Variants in SFXN1 observed in about 807,000 individuals in gnomAD.
SFXN1 encodes sideroflexin-1.
SFXN1 carries 32 observed loss-of-function variants against 39.5 expected under a neutral mutation model. That is an observed-to-expected ratio of 0.81 (90% CI 0.61 to 1.09). The LOEUF (loss-of-function observed/expected upper bound fraction) is 1.09. SFXN1 is among the 50% of genes least tolerant of loss of function. The probability of loss-of-function intolerance (pLI) is 0.00; values close to 1 mark genes in which losing one functional copy is unlikely to be tolerated. For synonymous variants in SFXN1, 136 were observed against 146.5 expected (o/e 0.93, Z 0.52); for missense variants, 402 against 407.1 (o/e 0.99, Z 0.11).
At chr5:175,508,613 C>T (rs999964199) in intron 2 of SFXN1, among the ~76,000 whole-genome samples, 3 of 151,560 alleles carry the variant, frequency 2.0e-5, no homozygotes, top group African/African-American at 7.3e-5. Flanking sequence ...TTTGTCACTC[C>T]ATCTAGGCAC....
rs546831563 is a variant in SFXN1, at chr5:175,527,458, A to G, written c.*724A>G. The G allele has an allele frequency of 1.3e-5, 2 of 152,304 alleles. No homozygotes were observed. Among genetic ancestry groups the G allele is most frequent in the South Asian group, 2.1e-4 (1 of 4,832 alleles). 9.4% of individuals were successfully genotyped at this position (152,304 alleles called of 1,614,324 possible). A position where few individuals can be genotyped will look rare whatever the true frequency, so the allele number is the denominator to read the frequency against. On this transcript the variant is annotated 3_prime_UTR_variant, in exon 11 of 11. Transcript: ENST00000321442. ...AAGATGATAATCTTACCTTGCAGTT[A>G]TTGACTTTATATTCAATTATTTACA...
At position 175,522,440 on chromosome 5, in the gene SFXN1, G is replaced by A. The variant is rs183286127; in HGVS notation, c.872+18G>A. 2.4e-5 allele frequency: 38 copies of A among 1,609,364 alleles called. No homozygotes were observed. The highest frequency in any genetic ancestry group is 1.4e-4 in the Admixed American group (8 of 59,038). On this transcript the variant is annotated intron_variant, in intron 10 of 10. Coordinates refer to ENST00000321442, the MANE Select transcript of SFXN1 (RefSeq NM_022754.7). The stretch of plus-strand genomic sequence containing the variant: ...CAGAAAAGGTATGTATTTGTTATTC[G>A]TCAGAATCATCATGAGTATTAATCC...
intron 1 of SFXN1, among the ~76,000 whole-genome samples, chr5:175,480,656 C>T (rs1232995427): frequency 6.6e-6 from 1 of 152,220 alleles, no homozygotes; most frequent in African/African-American, 2.4e-5. Flanking sequence ...CAGAAAGGCA[C>T]CAACTGGCAG....
chr5:175,492,226 C>T lies in SFXN1; in HGVS notation c.123C>T (p.Asn41=), dbSNP rs376235466. The T allele has an allele frequency of 2.2e-5, 36 of 1,613,358 alleles. No homozygotes were observed. In the East Asian group the frequency reaches 5.3e-4, roughly 24 times the overall value. The part of the protein sequence containing the change: ...VTDPRNILLT[N]EQLESARKIV... ...ACCCCAGGAACATTCTGTTAACCAA[C>T]GAACAACTCGAGAGTGCGAGAAAAA... Residue 41 remains asparagine (N), a synonymous_variant, in exon 2 of 11, where the codon AAC becomes AAT. Coordinates refer to ENST00000321442, the MANE Select transcript of SFXN1 (RefSeq NM_022754.7).
At chr5:175,485,593 C>A (rs183780384) in intron 1 of SFXN1, among the ~76,000 whole-genome samples, 1 of 152,324 alleles carries the variant, frequency 6.6e-6, no homozygotes, top group Admixed American at 6.5e-5. Context: ...CAGCAAAGTC[C>A]CTGCACCATG....
chr5:175,501,582 G>A (rs2113306352), intron 2 of SFXN1, among the ~76,000 whole-genome samples: 1 of 152,216 alleles, frequency 6.6e-6, no homozygotes, highest in African/African-American at 2.4e-5. Context: ...AAGATATAAA[G>A]AACTCTTATC....
At chr5:175,501,877 C>G (rs1253563502) in intron 2 of SFXN1, among the ~76,000 whole-genome samples, 1 of 152,134 alleles carries the variant, frequency 6.6e-6, no homozygotes, top group African/African-American at 2.4e-5. Flanking sequence ...ACGGGAATTG[C>G]AATGGAGAAA....
intron 1 of SFXN1, among the ~76,000 whole-genome samples, chr5:175,487,414 C>T (rs1479820791): frequency 1.3e-5 from 2 of 152,142 alleles, no homozygotes; most frequent in East Asian, 1.9e-4. Context: ...TCCACCTCCT[C>T]CCGCTTCACT....
chr5:175,495,740 A>AG (rs1274018261), intron 2 of SFXN1, among the ~76,000 whole-genome samples: 1 of 147,220 alleles, frequency 6.8e-6, no homozygotes. Context: ...AAAAAAAAAA[A>AG]GGGTTAAAAT....
rs376993877 is a variant in SFXN1 at position 175,484,709 on chromosome 5, C to T, written c.-10+6070C>T. 7.6e-4 allele frequency among the ~76,000 whole-genome samples: 116 copies of T among 152,336 alleles called. 4 individuals carry two copies. In the South Asian group the frequency reaches 0.02, roughly 26 times the overall value. On this transcript the variant is annotated intron_variant, in intron 1 of 10. Coordinates refer to ENST00000321442, the MANE Select transcript of SFXN1 (RefSeq NM_022754.7). The stretch of plus-strand genomic sequence containing the variant: ...CAGGCCCCGTGCGTAAGGAGCGCTC[C>T]GTGTCAGCGCGCTTGCTAGACCCCA...
chr5:175,516,805 C>A, intron 8 of SFXN1, 142 bp downstream of exon 8: 1 of 760,222 alleles, frequency 1.3e-6, no homozygotes, highest in Non-Finnish European at 2.0e-6. Context: ...AAGATGTTCC[C>A]AGGAAGATTT....
chr5:175,519,058 A>G (rs1368293284), intron 8 of SFXN1, among the ~76,000 whole-genome samples: 1 of 152,232 alleles, frequency 6.6e-6, no homozygotes, highest in Admixed American at 6.5e-5. Flanking sequence ...AAAAGGTTTG[A>G]ACAGACACTC....
At chr5:175,485,854 G>C (rs558635400) in intron 1 of SFXN1, among the ~76,000 whole-genome samples, 1 of 152,192 alleles carries the variant, frequency 6.6e-6, no homozygotes, top group Non-Finnish European at 1.5e-5. Context: ...AGATGGGGTG[G>C]CTTTGAATGA....
At chr5:175,509,297 T>G in intron 3 of SFXN1, 95 bp downstream of exon 3, 1 of 1,268,068 alleles carries the variant, frequency 7.9e-7, no homozygotes, top group Admixed American at 2.4e-5. Flanking sequence ...TAAGTATTAT[T>G]TCATAAGTAT....
intron 1 of SFXN1, among the ~76,000 whole-genome samples, chr5:175,479,319 G>A (rs909220820): frequency 1.3e-5 from 2 of 152,096 alleles, no homozygotes; most frequent in African/African-American, 2.4e-5. Flanking sequence ...ACACTCTTCC[G>A]GCCCTGCGAG....
At chr5:175,481,499 A>G (rs1298905759) in intron 1 of SFXN1, among the ~76,000 whole-genome samples, 2 of 152,146 alleles carry the variant, frequency 1.3e-5, no homozygotes, top group Admixed American at 6.5e-5. Flanking sequence ...TATTTTTAGT[A>G]GAGACGGGGT....
intron 2 of SFXN1, among the ~76,000 whole-genome samples, chr5:175,506,886 G>A (rs1043642037): frequency 1.3e-5 from 2 of 152,122 alleles, no homozygotes; most frequent in African/African-American, 4.8e-5. Flanking sequence ...GTCTGGTCTT[G>A]AACTCCTGAC....
chr5:175,514,799 G>T lies in SFXN1; in HGVS notation c.724+1209G>T, dbSNP rs553066323. ...TCTGGTTTAACACAGGAGTGCCTTGGTGCCCTGCCTGAGGCTAATGTGTTC... is the reference window on the plus strand; with the variant it reads ...TCTGGTTTAACACAGGAGTGCCTTGTTGCCCTGCCTGAGGCTAATGTGTTC... On this transcript the variant is annotated intron_variant, in intron 7 of 10. Coordinates refer to ENST00000321442, the MANE Select transcript of SFXN1 (RefSeq NM_022754.7). 3.7e-4 allele frequency among the ~76,000 whole-genome samples: 57 copies of T among 152,318 alleles called. 1 individual carries two copies. The South Asian group carries it at 0.011, about 30-fold the overall frequency.
In SFXN1 at chr5:175,521,909, C is replaced by G; in HGVS notation, c.775-10C>G. On this transcript the variant is annotated splice_polypyrimidine_tract_variant and intron_variant, in intron 8 of 10. Transcript: ENST00000321442. ...AAAAAGTATTCAAAGCCATTTATTT[C>G]TCAACACAGAGGTTCCCATGGATGA... The G allele has an allele frequency of 6.3e-7, 1 of 1,590,134 alleles. No homozygotes were observed. Among genetic ancestry groups the G allele is most frequent in the Non-Finnish European group, 8.6e-7 (1 of 1,163,600 alleles).
Sources: allele counts gnomAD v4.1 joint callset (sites outside exome capture counted in the v4.1 genomes callset), GRCh38; gene constraint gnomAD v4.1.1; transcripts MANE v1.5; gene names NCBI Gene and HGNC (gene_info 2026-07-23, HGNC 2026-07-21).